Variants in SLC9A9 observed in about 807,000 individuals in gnomAD.
SLC9A9 encodes sodium/hydrogen exchanger 9.
SLC9A9 carries 62 observed loss-of-function variants against 77.8 expected under a neutral mutation model. The ratio of observed to expected loss-of-function variants is 0.80; its 90% CI spans 0.65 to 0.98. The LOEUF (loss-of-function observed/expected upper bound fraction) is 0.98. Among genes scored for constraint, SLC9A9 ranks in the 50% least tolerant of loss-of-function variants. The pLI is 0.00. For missense variants in SLC9A9, 775 were observed against 774.9 expected, an observed-to-expected ratio of 1.00 and a Z score of 0.00; for synonymous variants, 320 against 283.5, an observed-to-expected ratio of 1.13 and a Z score of -1.29.
At chr3:143,494,978 C>G (rs2035808301) in intron 10 of SLC9A9, among the ~76,000 whole-genome samples, 1 of 152,176 alleles carries the variant, frequency 6.6e-6, no homozygotes, top group Non-Finnish European at 1.5e-5. Flanking sequence ...CTGATATACT[C>G]TAATGCAGAT....
intron 4 of SLC9A9, among the ~76,000 whole-genome samples, chr3:143,739,173 G>A (rs867045278): frequency 2.0e-5 from 3 of 152,192 alleles, no homozygotes; most frequent in Middle Eastern, 3.4e-3. Context: ...CTCTCGTGGG[G>A]CCCAGCGAGT....
chr3:143,531,943 G>GGTTT (rs1367641951), intron 9 of SLC9A9, among the ~76,000 whole-genome samples: 1 of 152,168 alleles, frequency 6.6e-6, no homozygotes, highest in African/African-American at 2.4e-5. Context: ...ATACAATGGA[G>GGTTT]GTTTCCAGAG....
At chr3:143,281,053 C>T (rs747003221) in intron 14 of SLC9A9, among the ~76,000 whole-genome samples, 14 of 152,130 alleles carry the variant, frequency 9.2e-5, no homozygotes, top group Non-Finnish European at 1.6e-4. Context: ...GAAGTAGGTG[C>T]GGCTCTAGGA....
At chr3:143,644,372 T>A (rs1483902808) in intron 6 of SLC9A9, among the ~76,000 whole-genome samples, 4 of 152,262 alleles carry the variant, frequency 2.6e-5, no homozygotes, top group Admixed American at 2.6e-4. Flanking sequence ...AGTTCTAAGT[T>A]ACGGGGTAGA....
chr3:143,396,587 TATA>T (rs2033735629), intron 12 of SLC9A9, among the ~76,000 whole-genome samples: 1 of 152,120 alleles, frequency 6.6e-6, no homozygotes, highest in African/African-American at 2.4e-5. Context: ...GACCTTAAAG[TATA>T]ATAATAAAAA....
intron 13 of SLC9A9, among the ~76,000 whole-genome samples, chr3:143,365,289 G>T (rs2032866297): frequency 6.6e-6 from 1 of 152,146 alleles, no homozygotes; most frequent in Admixed American, 6.5e-5. Flanking sequence ...GGTGGAAGGA[G>T]GGAGAGGCCA....
At chr3:143,322,771 A>G (rs2031461889) in intron 14 of SLC9A9, among the ~76,000 whole-genome samples, 1 of 152,254 alleles carries the variant, frequency 6.6e-6, no homozygotes, top group South Asian at 2.1e-4. Flanking sequence ...AAAGTCTACC[A>G]GACTAGGGAG....
At chr3:143,675,237 A>G (rs1168842958) in intron 5 of SLC9A9, among the ~76,000 whole-genome samples, 1 of 152,248 alleles carries the variant, frequency 6.6e-6, no homozygotes, top group Non-Finnish European at 1.5e-5. Flanking sequence ...GTGCATAGTA[A>G]CAGGGATTGA....
At chr3:143,295,189 A>G (rs1283210910) in intron 14 of SLC9A9, among the ~76,000 whole-genome samples, 1 of 152,180 alleles carries the variant, frequency 6.6e-6, no homozygotes, top group African/African-American at 2.4e-5. Context: ...CTGAGACTGC[A>G]CTCTTAAAAG....
intron 11 of SLC9A9, among the ~76,000 whole-genome samples, chr3:143,476,075 C>T (rs1463987101): frequency 2.6e-5 from 4 of 151,774 alleles, no homozygotes; most frequent in East Asian, 3.9e-4. Flanking sequence ...AATTACATTT[C>T]GTTTTTACCC....
intron 6 of SLC9A9, among the ~76,000 whole-genome samples, chr3:143,621,269 G>A (rs549791633): frequency 1.3e-5 from 2 of 152,300 alleles, no homozygotes; most frequent in East Asian, 1.9e-4. Flanking sequence ...AGAGAGTAGT[G>A]GTTCTCCCAG....
In SLC9A9 at chr3:143,498,307, A is replaced by G. The variant is rs139721983; in HGVS notation, c.1090-2859T>C. Among the ~76,000 whole-genome samples the G allele has an allele frequency of 2.0e-4, 30 of 152,292 alleles. 1 individual carries two copies. Among genetic ancestry groups the G allele is most frequent in the African/African-American group, 6.7e-4 (28 of 41,556 alleles). ...ATAGTCTAGACTGTTCTCACACCCT[A>G]CATTATTCAGAATTTTCCAGGTTAT... On this transcript the variant is annotated intron_variant, in intron 9 of 15. Coordinates refer to ENST00000316549, the MANE Select transcript of SLC9A9 (RefSeq NM_173653.4).
At chr3:143,346,974 T>G (rs1276614745) in intron 14 of SLC9A9, 4 of 152,216 alleles carry the variant, frequency 2.6e-5, no homozygotes, top group Non-Finnish European at 5.9e-5. Context: ...CTAACTTTTC[T>G]CTATTTTTCA....
intron 9 of SLC9A9, among the ~76,000 whole-genome samples, chr3:143,497,394 C>T (rs763539883): frequency 1.3e-5 from 2 of 152,156 alleles, no homozygotes; most frequent in Non-Finnish European, 2.9e-5. Context: ...TAGGACTAAA[C>T]CACTCAAATC....
chr3:143,296,319 G>T (rs1283312663), intron 14 of SLC9A9, among the ~76,000 whole-genome samples: 3 of 152,172 alleles, frequency 2.0e-5, no homozygotes, highest in Non-Finnish European at 4.4e-5. Context: ...TGCAGTATTT[G>T]TCCTTTTGTG....
intron 14 of SLC9A9, among the ~76,000 whole-genome samples, chr3:143,271,935 G>A (rs1937910984): frequency 1.3e-5 from 2 of 152,132 alleles, no homozygotes; most frequent in African/African-American, 4.8e-5. Flanking sequence ...TGTGCACAAT[G>A]GATGTTTGGA....
intron 1 of SLC9A9, among the ~76,000 whole-genome samples, chr3:143,843,022 C>T (rs2009744326): frequency 6.6e-6 from 1 of 152,008 alleles, no homozygotes; most frequent in Admixed American, 6.6e-5. Context: ...TGTAACATCA[C>T]TTGCCCAAAA....
chr3:143,368,015 T>C lies in SLC9A9; in HGVS notation c.1525-4452A>G, dbSNP rs149185247. 3.3e-3 allele frequency among the ~76,000 whole-genome samples: 509 copies of C among 152,264 alleles called. 5 individuals carry two copies. Among genetic ancestry groups the C allele is most frequent in the African/African-American group, 0.012 (485 of 41,538 alleles). The stretch of plus-strand genomic sequence containing the variant: ...AATGGGAACTGGTGAGTCAAGCATG[T>C]TGAATCTCAACTTTTATTTAACTAG... On this transcript the variant is annotated intron_variant, in intron 13 of 15. Coordinates refer to ENST00000316549, the MANE Select transcript of SLC9A9 (RefSeq NM_173653.4).
chr3:143,502,661 A>C (rs2035943487), intron 9 of SLC9A9, among the ~76,000 whole-genome samples: 2 of 152,240 alleles, frequency 1.3e-5, no homozygotes, highest in South Asian at 4.1e-4. Flanking sequence ...AGCTTTTATG[A>C]GGCTCGACAC....
Sources: allele counts gnomAD v4.1 joint callset (sites outside exome capture counted in the v4.1 genomes callset), GRCh38; gene constraint gnomAD v4.1.1; transcripts MANE v1.5; gene names NCBI Gene and HGNC (gene_info 2026-07-23, HGNC 2026-07-21).